Variants in LSAMP observed in about 807,000 individuals in gnomAD.
LSAMP encodes the protein limbic system associated membrane protein.
A neutral mutation model predicts 38.6 loss-of-function variants in LSAMP; 7 were observed. That is an observed-to-expected ratio of 0.18 (90% CI 0.10 to 0.34). The LOEUF (loss-of-function observed/expected upper bound fraction) is 0.34. Ranked by LOEUF, LSAMP falls within the 10% of genes least tolerant of loss-of-function variation. The pLI is 1.00. For missense variants in LSAMP, 313 were observed against 420.0 expected (o/e 0.75, Z 2.23); for synonymous variants, 154 against 166.8 (o/e 0.92, Z 0.59).
chr3:115,887,249 T>A (rs1391742581), intron 3 of LSAMP, among the ~76,000 whole-genome samples: 4 of 151,970 alleles, frequency 2.6e-5, no homozygotes, highest in Middle Eastern at 3.4e-3. Context: ...ATTAGAGGGG[T>A]GACTATGTAA....
chr3:115,820,245 C>A (rs537001398), intron 6 of LSAMP, among the ~76,000 whole-genome samples: 8 of 152,258 alleles, frequency 5.3e-5, no homozygotes, highest in African/African-American at 1.7e-4. Context: ...CAACCTGGAA[C>A]CTATGATTTT....
At chr3:115,927,092 T>G (rs946659289) in intron 3 of LSAMP, among the ~76,000 whole-genome samples, 21 of 152,336 alleles carry the variant, frequency 1.4e-4, no homozygotes, top group African/African-American at 4.8e-4. Context: ...GACTGACAAA[T>G]TGAATGGTAC....
At chr3:115,987,321 C>T (rs1419453085) in intron 3 of LSAMP, among the ~76,000 whole-genome samples, 2 of 152,174 alleles carry the variant, frequency 1.3e-5, no homozygotes, top group Non-Finnish European at 2.9e-5. Flanking sequence ...TAGTGCCTTT[C>T]CTGTTCTTTC....
intron 1 of LSAMP, among the ~76,000 whole-genome samples, chr3:116,396,682 C>T (rs1255537806): frequency 1.3e-5 from 2 of 152,090 alleles, no homozygotes; most frequent in African/African-American, 4.8e-5. Flanking sequence ...TGGATATCTC[C>T]CTTGGACTCT....
chr3:116,084,230 CTTAAGTTAAATTTA>C (rs1193022396), intron 2 of LSAMP, among the ~76,000 whole-genome samples: 1 of 151,994 alleles, frequency 6.6e-6, no homozygotes, highest in African/African-American at 2.4e-5. Context: ...TTCTCCATCC[CTTAAGTTAAATTTA>C]ATTTCATTTG....
chr3:116,307,252 G>C (rs1270132978), intron 1 of LSAMP, among the ~76,000 whole-genome samples: 1 of 152,008 alleles, frequency 6.6e-6, no homozygotes, highest in Non-Finnish European at 1.5e-5. Flanking sequence ...AAGTAATTTA[G>C]AAGAGCAGAT....
rs185300944 is a variant in LSAMP, at chr3:115,803,571, A to T, written c.*6746T>A. 2 of 152,336 alleles carry T rather than the reference A, an allele frequency of 1.3e-5. No individual in the cohort carries two copies. Among genetic ancestry groups the T allele is most frequent in the African/African-American group, 4.8e-5 (2 of 41,572 alleles). The allele number at this position is 152,336 out of a possible 1,614,324, so 9.4% of individuals were successfully genotyped here. On this transcript the variant is annotated 3_prime_UTR_variant, in exon 7 of 7. Coordinates refer to ENST00000490035, the MANE Select transcript of LSAMP (RefSeq NM_002338.5). ...TTGATTTTGGCCTTCACAACAATTC[A>T]TACTGTCTTCAACTCTGTAACCTCC...
rs2047860627 is a variant in LSAMP, at chr3:116,332,104, T to C, written c.155+112773A>G. On this transcript the variant is annotated intron_variant, in intron 1 of 6. Transcript: ENST00000490035. Reference sequence around the variant, plus strand: ...ATCTTCCAGGCTTGGCCTCTCAAAGTGCTGGGATTACAGGCATGAGCCACC... The same window carrying C: ...ATCTTCCAGGCTTGGCCTCTCAAAGCGCTGGGATTACAGGCATGAGCCACC... 2.0e-5 allele frequency among the ~76,000 whole-genome samples: 3 copies of C among 152,268 alleles called. No homozygotes were observed. In the South Asian group the frequency reaches 6.2e-4, roughly 32 times the overall value.
At chr3:116,023,133 CAT>C (rs1940684164) in intron 2 of LSAMP, among the ~76,000 whole-genome samples, 1 of 151,366 alleles carries the variant, frequency 6.6e-6, no homozygotes, top group South Asian at 2.1e-4. Flanking sequence ...TGTATATATA[CAT>C]ATATATGTGT....
At chr3:116,075,618 T>C (rs1707723739) in intron 2 of LSAMP, among the ~76,000 whole-genome samples, 1 of 151,120 alleles carries the variant, frequency 6.6e-6, no homozygotes, top group African/African-American at 2.4e-5. Context: ...CTCGGCTCAC[T>C]GCAACCTCCG....
chr3:115,884,523 T>C (rs1936401899), intron 3 of LSAMP, among the ~76,000 whole-genome samples: 1 of 151,178 alleles, frequency 6.6e-6, no homozygotes, highest in South Asian at 2.1e-4. Context: ...TAAAGGTTGA[T>C]CATGGACGAT....
intron 2 of LSAMP, among the ~76,000 whole-genome samples, chr3:116,073,478 A>G (rs978769379): frequency 2.0e-5 from 3 of 152,222 alleles, no homozygotes; most frequent in Non-Finnish European, 2.9e-5. Flanking sequence ...TTTAACGGGA[A>G]TAGCATTTAA....
chr3:116,049,739 A>T (rs982631814), intron 2 of LSAMP, among the ~76,000 whole-genome samples: 9 of 152,204 alleles, frequency 5.9e-5, no homozygotes, highest in African/African-American at 2.2e-4. Context: ...AAGCCCTCAG[A>T]AATTAGAGAA....
intron 1 of LSAMP, among the ~76,000 whole-genome samples, chr3:116,160,075 CAG>C (rs1203229645): frequency 1.3e-5 from 2 of 152,020 alleles, no homozygotes; most frequent in East Asian, 1.9e-4. Flanking sequence ...GGGGCCTACT[CAG>C]GGGTAGAGGG....
chr3:116,142,917 G>T (rs895238053), intron 1 of LSAMP, among the ~76,000 whole-genome samples: 1 of 151,564 alleles, frequency 6.6e-6, no homozygotes, highest in African/African-American at 2.4e-5. Context: ...CATATCCTGT[G>T]CTGTTATTTC....
At chr3:116,314,540 G>T (rs2047603589) in intron 1 of LSAMP, among the ~76,000 whole-genome samples, 1 of 152,178 alleles carries the variant, frequency 6.6e-6, no homozygotes, top group Admixed American at 6.5e-5. Flanking sequence ...TGTAAAATGT[G>T]AAATAAGCCC....
Position 116,086,361 on chromosome 3 carries a change from A to G in LSAMP, c.351T>C (p.His117=), listed in dbSNP as rs1243359145. 1 of 1,614,146 alleles carries G rather than the reference A, an allele frequency of 6.2e-7. No individual in the cohort carries two copies. The highest frequency in any genetic ancestry group is 1.1e-5 in the South Asian group (1 of 91,082). The part of the protein sequence containing the change: ...GSYTCSVQTQ[H]EPKTSQVYLI... Reference sequence around the variant, plus strand: ...AGTAAACTTGGGAGGTCTTGGGCTCATGCTGTGTCTGAACTGAGCAAGTGT... The same window carrying G: ...AGTAAACTTGGGAGGTCTTGGGCTCGTGCTGTGTCTGAACTGAGCAAGTGT... Residue 117 remains histidine, a synonymous_variant, in exon 2 of 7, where the codon CAT becomes CAC. Coordinates refer to ENST00000490035, the MANE Select transcript of LSAMP (RefSeq NM_002338.5).
intron 3 of LSAMP, among the ~76,000 whole-genome samples, chr3:115,989,962 G>C (rs1256002053): frequency 6.6e-6 from 1 of 152,046 alleles, no homozygotes; most frequent in Non-Finnish European, 1.5e-5. Context: ...TGTACATTCA[G>C]AGTTATAATA....
intron 1 of LSAMP, among the ~76,000 whole-genome samples, chr3:116,415,366 A>G (rs1559860272): frequency 6.6e-6 from 1 of 152,086 alleles, no homozygotes; most frequent in Non-Finnish European, 1.5e-5. Context: ...GCTTCACAAC[A>G]TTGCTGAGGG....
Sources: allele counts gnomAD v4.1 joint callset (sites outside exome capture counted in the v4.1 genomes callset), GRCh38; gene constraint gnomAD v4.1.1; transcripts MANE v1.5; gene names NCBI Gene and HGNC (gene_info 2026-07-23, HGNC 2026-07-21).